USP54: variants seen among roughly 807,000 people sequenced by gnomAD.
The protein encoded by USP54 is ubiquitin carboxyl-terminal hydrolase 54.
In USP54, 87 loss-of-function variants were observed where a neutral mutation model predicts 170.5. The ratio of observed to expected loss-of-function variants is 0.51; its 90% CI spans 0.43 to 0.61. The LOEUF is 0.61. Ranked by LOEUF, USP54 falls within the 20% of genes least tolerant of loss-of-function variation. The probability of loss-of-function intolerance (pLI) is 0.00; values close to 1 mark genes in which losing one functional copy is unlikely to be tolerated. For synonymous variants in USP54, 655 were observed against 742.8 expected (o/e 0.88, Z 1.92); for missense variants, 1,786 against 2,047.8 (o/e 0.87, Z 2.47).
chr10:73,562,476 T>C (rs2073297866), intron 4 of USP54, among the ~76,000 whole-genome samples: 1 of 152,232 alleles, frequency 6.6e-6, no homozygotes, highest in African/African-American at 2.4e-5. Context: ...ATCACATGCA[T>C]GTACCCCTGA....
intron 1 of USP54, among the ~76,000 whole-genome samples, chr10:73,620,321 A>AAAAAG (rs1554954744): frequency 1.9e-4 from 28 of 148,292 alleles, no homozygotes; most frequent in African/African-American, 5.5e-4. Context: ...TCAAAAAAAA[A>AAAAAG]AAAGAAAGAA....
At chr10:73,549,204 T>C (rs528954435) in intron 4 of USP54, among the ~76,000 whole-genome samples, 10 of 152,338 alleles carry the variant, frequency 6.6e-5, no homozygotes, top group African/African-American at 1.7e-4. Context: ...CTTGGACCTC[T>C]TGACTTCCCT....
At chr10:73,547,053 T>A (rs2067998297) in intron 4 of USP54, among the ~76,000 whole-genome samples, 1 of 152,218 alleles carries the variant, frequency 6.6e-6, no homozygotes, top group African/African-American at 2.4e-5. Flanking sequence ...ACATCACTTT[T>A]TAATTTTGGT....
At chr10:73,612,032 GC>G (rs1293248843) in intron 1 of USP54, among the ~76,000 whole-genome samples, 2 of 151,518 alleles carry the variant, frequency 1.3e-5, no homozygotes, top group Non-Finnish European at 2.9e-5. Flanking sequence ...GATCACCTGA[GC>G]CCAGGGAGGT....
intron 20 of USP54, among the ~76,000 whole-genome samples, chr10:73,509,867 G>A (rs1335036951): frequency 1.3e-5 from 2 of 151,824 alleles, no homozygotes; most frequent in South Asian, 2.1e-4. Context: ...AAAATTGGTC[G>A]GATGTGGTGG....
intron 17 of USP54, 49 bp downstream of exon 17, chr10:73,523,534 C>T: frequency 4.8e-6 from 7 of 1,471,000 alleles, no homozygotes; most frequent in South Asian, 1.5e-5. Flanking sequence ...TTTTTTCTAC[C>T]CTTTCTGTCT....
At chr10:73,504,623 A>T in intron 22 of USP54, 1 of 594,546 alleles carries the variant, frequency 1.7e-6, no homozygotes, top group Non-Finnish European at 2.9e-6. Context: ...AGGAAACCCT[A>T]CAACACGCAC....
chr10:73,595,004 C>A (rs978230141), upstream of USP54, among the ~76,000 whole-genome samples: 2 of 151,878 alleles, frequency 1.3e-5, no homozygotes, highest in African/African-American at 4.8e-5. Flanking sequence ...CAGCTCACTG[C>A]AATCTCTGCC....
At chr10:73,568,549 A>G (rs533257008) in intron 4 of USP54, among the ~76,000 whole-genome samples, 3 of 152,332 alleles carry the variant, frequency 2.0e-5, no homozygotes, top group South Asian at 2.1e-4. Flanking sequence ...CTAGAGCCTA[A>G]TTATTTAACA....
At chr10:73,595,940 G>A (rs1004158098), upstream of USP54, among the ~76,000 whole-genome samples, 5 of 150,710 alleles carry the variant, frequency 3.3e-5, no homozygotes, top group African/African-American at 4.9e-5. Context: ...TGAAAAACCC[G>A]TCTTGACTAA....
intron 1 of USP54, among the ~76,000 whole-genome samples, chr10:73,620,749 C>G (rs1017067632): frequency 6.7e-6 from 1 of 150,278 alleles, no homozygotes; most frequent in Non-Finnish European, 1.5e-5. Context: ...ACCAGCCTGC[C>G]CAACATGGTG....
intron 17 of USP54, among the ~76,000 whole-genome samples, chr10:73,522,367 A>G (rs1015732508): frequency 6.6e-6 from 1 of 152,236 alleles, no homozygotes; most frequent in African/African-American, 2.4e-5. Flanking sequence ...GCTATAGTTG[A>G]TCAATCACTG....
At chr10:73,581,125 C>T (rs147576508) in intron 1 of USP54, among the ~76,000 whole-genome samples, 1 of 152,118 alleles carries the variant, frequency 6.6e-6, no homozygotes, top group Non-Finnish European at 1.5e-5. Context: ...AGGTATTTTA[C>T]CATAAAGAAA....
intron 2 of USP54, 34 bp downstream of exon 2, chr10:73,575,764 G>A: frequency 7.3e-7 from 1 of 1,375,358 alleles, no homozygotes; most frequent in South Asian, 1.6e-5. Flanking sequence ...CCAGAATTTA[G>A]TGAATTTATT....
rs541018105 is a variant in USP54 at position 73,568,466 on chromosome 10, T to G, written c.240+2955A>C. Among the ~76,000 whole-genome samples, 4 of 152,298 alleles carry G rather than the reference T, an allele frequency of 2.6e-5. No individual in the cohort carries two copies. The East Asian group carries it at 7.7e-4, about 29-fold the overall frequency. On this transcript the variant is annotated intron_variant, in intron 4 of 23. Coordinates refer to ENST00000687698, the MANE Select transcript of USP54 (RefSeq NM_001391956.1). ...TTAGTCTATCTGCATTACAAGTCTA[T>G]AATTTTCAAATCAAGTATACAATAA...
chr10:73,499,517 A>G (rs2057606716), intron 23 of USP54: 1 of 216,830 alleles, frequency 4.6e-6, no homozygotes, highest in South Asian at 8.9e-5. Context: ...TGGCAAACGT[A>G]TACTCCCTTT....
At chr10:73,545,508 T>C in intron 5 of USP54, 30 bp downstream of exon 5, 1 of 1,612,634 alleles carries the variant, frequency 6.2e-7, no homozygotes, top group South Asian at 1.1e-5. Flanking sequence ...TCCCACCCCA[T>C]ATCAAAGAGG....
intron 4 of USP54, among the ~76,000 whole-genome samples, chr10:73,563,327 C>T (rs1435783189): frequency 6.6e-6 from 1 of 152,090 alleles, no homozygotes; most frequent in Non-Finnish European, 1.5e-5. Context: ...TCTTAGATTA[C>T]TAATGGGGGC....
In USP54 at chr10:73,563,996, T is replaced by TA. The variant is rs201585866; in HGVS notation, c.240+7424dup. On this transcript the variant is annotated intron_variant, in intron 4 of 23. Transcript: ENST00000687698. ...CTCTCTCATATGTTCTTCTAAAACT[T>TA]AAAAAAAACAAAAAAAAAACACTGA... 9.9e-4 allele frequency among the ~76,000 whole-genome samples: 148 copies of TA among 149,796 alleles called. 1 individual carries two copies. The highest frequency in any genetic ancestry group is 3.4e-3 in the Middle Eastern group (1 of 294).
Sources: gnomAD v4.1 joint callset for allele counts (sites outside exome capture counted in the v4.1 genomes callset) on GRCh38, gnomAD v4.1.1 for gene constraint, MANE v1.5 for transcripts, NCBI Gene and HGNC (gene_info 2026-07-23, HGNC 2026-07-21) for gene names.